The following RBFOX1 variants were observed in gnomAD, a reference collection of about 807,000 sequenced individuals.
The protein encoded by RBFOX1 is RNA binding protein fox-1 homolog 1.
A neutral mutation model predicts 57.7 loss-of-function variants in RBFOX1; 8 were observed. That is an observed-to-expected ratio of 0.14 (90% CI 0.08 to 0.25). The LOEUF (loss-of-function observed/expected upper bound fraction) is 0.25, where lower values mean the gene tolerates loss of function less well. RBFOX1 is among the 10% of genes least tolerant of loss of function. The probability of loss-of-function intolerance (pLI) is 1.00; values close to 1 mark genes in which losing one functional copy is unlikely to be tolerated. For synonymous variants in RBFOX1, 326 were observed against 222.4 expected (o/e 1.47, Z -4.15); for missense variants, 611 against 548.5 (o/e 1.11, Z -1.14).
chr16:5,470,767 G>A (rs936469688), intron 2 of RBFOX1, among the ~76,000 whole-genome samples: 5 of 152,110 alleles, frequency 3.3e-5, no homozygotes, highest in African/African-American at 9.7e-5. Context: ...CGCCTCTGCA[G>A]CCTGGAACCC....
At chr16:5,438,954 G>A (rs540672688) in intron 1 of RBFOX1, among the ~76,000 whole-genome samples, 1 of 150,672 alleles carries the variant, frequency 6.6e-6, no homozygotes, top group South Asian at 2.1e-4. Context: ...GAGGTGGTAA[G>A]GAGGTAACAA....
chr16:6,571,895 G>C (rs760160183), intron 2 of RBFOX1, among the ~76,000 whole-genome samples: 27 of 150,976 alleles, frequency 1.8e-4, no homozygotes, highest in Non-Finnish European at 4.0e-4. Flanking sequence ...ACAACTGTTG[G>C]TAACATTTGA....
chr16:5,884,478 G>A (rs1350012522), intron 4 of RBFOX1, among the ~76,000 whole-genome samples: 7 of 19,718 alleles, frequency 3.6e-4, no homozygotes, highest in African/African-American at 6.9e-4. Context: ...CCCTACCCCC[G>A]CCCCCGGCTA....
At chr16:7,109,015 A>C (rs1186246165) in intron 4 of RBFOX1, among the ~76,000 whole-genome samples, 2 of 152,184 alleles carry the variant, frequency 1.3e-5, no homozygotes, top group African/African-American at 4.8e-5. Context: ...GATGGAAAAG[A>C]GGGCAGTATA....
At chr16:5,886,668 A>C (rs1208568318) in intron 4 of RBFOX1, among the ~76,000 whole-genome samples, 1 of 152,332 alleles carries the variant, frequency 6.6e-6, no homozygotes, top group East Asian at 1.9e-4. Flanking sequence ...CAGGCAGATC[A>C]TCTGAGGTCA....
intron 3 of RBFOX1, among the ~76,000 whole-genome samples, chr16:6,860,417 A>G (rs1312019626): frequency 1.3e-5 from 2 of 152,206 alleles, no homozygotes; most frequent in Non-Finnish European, 2.9e-5. Context: ...ACAAAACACT[A>G]CACGTTGGCT....
intron 1 of RBFOX1, chr16:6,059,331 G>T (rs1169068665): frequency 6.6e-6 from 1 of 152,176 alleles, no homozygotes; most frequent in East Asian, 1.9e-4. Flanking sequence ...ACAGGAGTGC[G>T]TGGTATCTCT....
chr16:7,191,766 A>G (rs781737166), intron 4 of RBFOX1, among the ~76,000 whole-genome samples: 7 of 152,224 alleles, frequency 4.6e-5, no homozygotes, highest in Non-Finnish European at 1.0e-4. Context: ...ATAATTGAGT[A>G]TGAAGCCCTA....
intron 4 of RBFOX1, among the ~76,000 whole-genome samples, chr16:7,358,712 G>T (rs898453190): frequency 6.6e-6 from 1 of 152,196 alleles, no homozygotes. Context: ...GAACCACTGC[G>T]CCCAGTCTCT....
chr16:6,949,156 C>A (rs2080177728), intron 3 of RBFOX1, among the ~76,000 whole-genome samples: 2 of 151,878 alleles, frequency 1.3e-5, no homozygotes, highest in Middle Eastern at 3.4e-3. Flanking sequence ...GATGCCTTCC[C>A]CCACCCCCCT....
intron 4 of RBFOX1, among the ~76,000 whole-genome samples, chr16:5,979,229 G>A (rs142930278): frequency 2.6e-5 from 4 of 152,286 alleles, no homozygotes; most frequent in African/African-American, 7.2e-5. Flanking sequence ...ACCCCAGCAC[G>A]TTTCTGGAAT....
chr16:6,021,318 C>A (rs575427896), intron 1 of RBFOX1, among the ~76,000 whole-genome samples: 1 of 152,280 alleles, frequency 6.6e-6, no homozygotes, highest in South Asian at 2.1e-4. Flanking sequence ...TAGTTCATCT[C>A]CCCTCCATTT....
At chr16:6,704,211 A>G (rs919354318) in intron 3 of RBFOX1, 3 of 152,162 alleles carry the variant, frequency 2.0e-5, no homozygotes, top group Non-Finnish European at 4.4e-5. Flanking sequence ...GGAGTTAAAA[A>G]CCTGCCTAAC....
At chr16:5,662,151 T>G (rs910888628) in intron 3 of RBFOX1, among the ~76,000 whole-genome samples, 3 of 152,144 alleles carry the variant, frequency 2.0e-5, no homozygotes, top group African/African-American at 7.2e-5. Flanking sequence ...ATTTTCCCCT[T>G]TAAATTCCCC....
chr16:6,983,063 A>G (rs1222716102), intron 3 of RBFOX1, among the ~76,000 whole-genome samples: 3 of 151,106 alleles, frequency 2.0e-5, no homozygotes, highest in African/African-American at 7.3e-5. Context: ...AAGTTATCTA[A>G]CATCACATTA....
intron 3 of RBFOX1, among the ~76,000 whole-genome samples, chr16:5,642,498 C>A (rs1162827251): frequency 1.3e-5 from 2 of 152,274 alleles, no homozygotes; most frequent in East Asian, 3.9e-4. Context: ...GAACGTCGCT[C>A]TTAAATGCTG....
intron 4 of RBFOX1, among the ~76,000 whole-genome samples, chr16:7,443,906 T>A (rs1463296893): frequency 6.6e-6 from 1 of 152,232 alleles, no homozygotes; most frequent in East Asian, 1.9e-4. Flanking sequence ...AGGGCACTAC[T>A]GATTCTGTAT....
rs1374284431 is a variant in RBFOX1, at chr16:6,637,522, ATAT to A, written c.-63-17079_-63-17077del. The stretch of plus-strand genomic sequence containing the variant: ...TATAATATTCTATATAGTATATATA[ATAT>A]TCTGTATAGTATATACAATCTGCAT... On this transcript the variant is annotated intron_variant, in intron 2 of 15. Coordinates refer to ENST00000550418, the MANE Select transcript of RBFOX1 (RefSeq NM_018723.4). 5.2e-3 allele frequency among the ~76,000 whole-genome samples: 547 copies of A among 105,098 alleles called. 11 individuals are homozygous for A. Among genetic ancestry groups the A allele is most frequent in the African/African-American group, 0.018 (492 of 27,674 alleles). 68.9% of individuals were successfully genotyped at this position (105,098 alleles called of 152,430 possible). A position where few individuals can be genotyped will look rare whatever the true frequency, so the allele number is the denominator to read the frequency against.
At chr16:6,074,245 G>T (rs2095869946) in intron 1 of RBFOX1, among the ~76,000 whole-genome samples, 1 of 152,168 alleles carries the variant, frequency 6.6e-6, no homozygotes. Flanking sequence ...ACAGCGCCCG[G>T]CCATCAAGCT....
Sources: gnomAD v4.1 joint callset for allele counts (sites outside exome capture counted in the v4.1 genomes callset) on GRCh38, gnomAD v4.1.1 for gene constraint, MANE v1.5 for transcripts, NCBI Gene and HGNC (gene_info 2026-07-23, HGNC 2026-07-21) for gene names.